The following LARP1B variants were observed in gnomAD, a reference collection of about 807,000 sequenced individuals.
LARP1B encodes the protein La ribonucleoprotein 1B, also known as la-related protein 1B.
A neutral mutation model predicts 114.2 loss-of-function variants in LARP1B; 76 were observed. The ratio of observed to expected loss-of-function variants is 0.67; its 90% CI spans 0.55 to 0.81. The LOEUF (loss-of-function observed/expected upper bound fraction) is 0.81, where lower values mean the gene tolerates loss of function less well. Among genes scored for constraint, LARP1B ranks in the 30% least tolerant of loss-of-function variants. The pLI is 0.00. For synonymous variants in LARP1B, 345 were observed against 348.0 expected (o/e 0.99, Z 0.10); for missense variants, 1,014 against 1,075.8 (o/e 0.94, Z 0.80).
At chr4:128,128,511 CATTT>C (rs1790393364) in intron 11 of LARP1B, among the ~76,000 whole-genome samples, 1 of 152,140 alleles carries the variant, frequency 6.6e-6, no homozygotes, top group Non-Finnish European at 1.5e-5. Context: ...TGGGCAAAAT[CATTT>C]AAACACAAGG....
At position 128,091,143 on chromosome 4, in the gene LARP1B, A is replaced by C. The variant is rs199603084; in HGVS notation, c.501A>C (p.Arg167=). The C allele has an allele frequency of 6.2e-7, 1 of 1,608,394 alleles. No individual in the cohort carries two copies. Among genetic ancestry groups the C allele is most frequent in the Non-Finnish European group, 8.5e-7 (1 of 1,178,774 alleles). ...GAGGACGAGGCAGAGGAAATCCTCG[A>C]TGTATGACATAATTTTTGTTTCGTT... The part of the protein sequence containing the change: ...RGRGRGRGNP[R]LNFDYSYGYQ... The change falls in exon 6 of 20, where the codon CGA becomes CGC. Residue 167 remains arginine (R), a splice_region_variant and synonymous_variant. Coordinates refer to ENST00000326639, the MANE Select transcript of LARP1B (RefSeq NM_018078.4).
chr4:128,219,618 G>A (rs1232496030), intron 6 of LARP1B, among the ~76,000 whole-genome samples: 1 of 117,302 alleles, frequency 8.5e-6, no homozygotes, highest in Non-Finnish European at 1.7e-5. Flanking sequence ...ACACAGGAAG[G>A]GGAATATCAC....
In LARP1B at chr4:128,210,013, G is replaced by T. The variant is rs778461820; in HGVS notation, c.2705G>T (p.Arg902Ile). Residue 902 changes from arginine (R) to isoleucine (I), a missense_variant, in exon 20 of 20, where the codon AGA becomes ATA. Physicochemically the swap from Arg to Ile is moderately conservative, Grantham distance 97. Transcript: ENST00000326639. ...CTTCAGGTACCAATAAACTCTCCCA[G>T]AAGGAATATTTCACCGGAGTCCAGT... is the stretch of plus-strand genomic sequence containing the variant. ...SELQVPINSP[R>I]RNISPESSDN... The T allele has an allele frequency of 1.9e-6, 3 of 1,614,092 alleles. No homozygotes were observed. Among genetic ancestry groups the T allele is most frequent in the Admixed American group, 1.7e-5 (1 of 60,020 alleles).
intron 8 of LARP1B, among the ~76,000 whole-genome samples, chr4:128,100,948 G>C (rs996663574): frequency 5.3e-5 from 8 of 150,950 alleles, no homozygotes; most frequent in African/African-American, 1.9e-4. Context: ...CTCCCGAGTA[G>C]CTGGGATTAC....
intron 11 of LARP1B, among the ~76,000 whole-genome samples, chr4:128,147,337 G>A (rs532455879): frequency 6.6e-6 from 1 of 152,292 alleles, no homozygotes; most frequent in South Asian, 2.1e-4. Flanking sequence ...TGCTAAGACA[G>A]CGATTGAAAA....
intron 6 of LARP1B, among the ~76,000 whole-genome samples, chr4:128,218,948 G>GA (rs1439942834): frequency 3.0e-4 from 18 of 60,578 alleles, no homozygotes; most frequent in African/African-American, 1.1e-3. Context: ...AAATTTACAA[G>GA]AAAAAAACAA....
chr4:128,131,786 T>C (rs1439270070), intron 11 of LARP1B, among the ~76,000 whole-genome samples: 3 of 152,182 alleles, frequency 2.0e-5, no homozygotes, highest in Non-Finnish European at 4.4e-5. Context: ...AAGATATACA[T>C]GGGGCCAATA....
intron 9 of LARP1B, among the ~76,000 whole-genome samples, chr4:128,113,759 C>T (rs564941733): frequency 1.3e-3 from 182 of 145,578 alleles, no homozygotes; most frequent in Non-Finnish European, 2.3e-3. Flanking sequence ...GGGCTGTGTG[C>T]GTTAGTGATG....
chr4:128,128,624 A>T (rs1790431374), intron 11 of LARP1B, among the ~76,000 whole-genome samples: 1 of 152,220 alleles, frequency 6.6e-6, no homozygotes, highest in Admixed American at 6.5e-5. Flanking sequence ...CTGCATTGCA[A>T]GAAAATATAC....
At chr4:128,145,638 C>T (rs563688755) in intron 11 of LARP1B, among the ~76,000 whole-genome samples, 1 of 152,164 alleles carries the variant, frequency 6.6e-6, no homozygotes, top group Non-Finnish European at 1.5e-5. Context: ...CTCTAAAGCA[C>T]TACCTTCTCA....
chr4:128,151,850 C>T (rs1360090015), intron 11 of LARP1B, among the ~76,000 whole-genome samples: 1 of 152,112 alleles, frequency 6.6e-6, no homozygotes, highest in Admixed American at 6.5e-5. Context: ...GTGATCTGCC[C>T]ACCTTGGCCT....
chr4:128,137,235 AAAC>A (rs1207158853), intron 11 of LARP1B, among the ~76,000 whole-genome samples: 1 of 152,180 alleles, frequency 6.6e-6, no homozygotes, highest in East Asian at 1.9e-4. Flanking sequence ...TCTCAAAAAA[AAAC>A]AAAAAACAAA....
chr4:128,145,779 T>G (rs1390300591), intron 11 of LARP1B, among the ~76,000 whole-genome samples: 1 of 152,224 alleles, frequency 6.6e-6, no homozygotes, highest in African/African-American at 2.4e-5. Context: ...GATCACAGTC[T>G]TACATTGCTT....
chr4:128,179,520 A>AT lies in LARP1B; in HGVS notation c.2003+11dup, dbSNP rs1561509136. On this transcript the variant is annotated intron_variant, in intron 15 of 19. Coordinates refer to ENST00000326639, the MANE Select transcript of LARP1B (RefSeq NM_018078.4). ...AGGAACATCCTCTGTCAGGTACTAT[A>AT]TTTCTCAAACATTACTTTTTTGTTC... 6.5e-7 allele frequency: 1 copy of AT among 1,527,108 alleles called. No homozygotes were observed. Among genetic ancestry groups the AT allele is most frequent in the East Asian group, 2.3e-5 (1 of 43,198 alleles). 94.6% of individuals were successfully genotyped at this position (1,527,108 alleles called of 1,614,324 possible).
chr4:128,101,561 G>GTTT (rs35662647), intron 8 of LARP1B, among the ~76,000 whole-genome samples: 3,646 of 128,632 alleles, frequency 0.028, 139 homozygotes, highest in African/African-American at 0.098. Context: ...GAGAAAATTA[G>GTTT]TTTTTTTTTT....
At chr4:128,077,296 G>A (rs1176634682) in intron 3 of LARP1B, among the ~76,000 whole-genome samples, 1 of 151,632 alleles carries the variant, frequency 6.6e-6, no homozygotes, top group South Asian at 2.1e-4. Context: ...TTAGGAGTTC[G>A]AGACCAGCCT....
At chr4:128,064,261 G>A (rs968268533) in intron 1 of LARP1B, among the ~76,000 whole-genome samples, 7 of 94,656 alleles carry the variant, frequency 7.4e-5, no homozygotes. Flanking sequence ...GACAGAGCAA[G>A]ACTCAGTCTC....
At chr4:128,139,245 A>G (rs1480444862) in intron 11 of LARP1B, among the ~76,000 whole-genome samples, 2 of 152,220 alleles carry the variant, frequency 1.3e-5, no homozygotes, top group East Asian at 3.8e-4. Context: ...TGGCACATGT[A>G]CCCCAGAAGT....
intron 10 of LARP1B, among the ~76,000 whole-genome samples, chr4:128,118,082 ATTTTTTTT>A (rs34699544): frequency 1.2e-4 from 9 of 76,748 alleles, no homozygotes; most frequent in African/African-American, 4.4e-4. Context: ...GGCCCGGCTA[ATTTTTTTT>A]TTTTTTTTTT....
Sources: gnomAD v4.1 joint callset for allele counts (sites outside exome capture counted in the v4.1 genomes callset) on GRCh38, gnomAD v4.1.1 for gene constraint, MANE v1.5 for transcripts, NCBI Gene and HGNC (gene_info 2026-07-23, HGNC 2026-07-21) for gene names.